DPP4: variants seen among roughly 807,000 people sequenced by gnomAD.
DPP4 encodes ADCP-2.
A neutral mutation model predicts 122.4 loss-of-function variants in DPP4; 93 were observed. That is an observed-to-expected ratio of 0.76 (90% CI 0.64 to 0.90). The LOEUF is 0.90. DPP4 is among the 40% of genes least tolerant of loss of function. The pLI is 0.00. For synonymous variants in DPP4, 321 were observed against 302.9 expected, an observed-to-expected ratio of 1.06 and a Z score of -0.62; for missense variants, 914 against 907.3, an observed-to-expected ratio of 1.01 and a Z score of -0.09.
At chr2:161,993,423 A>G in intron 25 of DPP4, 39 bp from the exon 26 acceptor site, 1 of 1,412,242 alleles carries the variant, frequency 7.1e-7, no homozygotes, top group Non-Finnish European at 9.9e-7. Flanking sequence ...TTAGGAAGTC[A>G]GTACTCTTCT....
chr2:162,073,989 G>A lies in DPP4; in HGVS notation c.-8C>T. ...CGCGGCACTCACCTTCATCGTCGGCGTCTCCTCGGAAGTGAGCGTTCAGAG... is the reference window on the plus strand; with the variant it reads ...CGCGGCACTCACCTTCATCGTCGGCATCTCCTCGGAAGTGAGCGTTCAGAG... On this transcript the variant is annotated 5_prime_UTR_variant, in exon 1 of 26. It adds an upstream start codon to the 5' untranslated region. Transcript: ENST00000360534. 6.2e-7 allele frequency: 1 copy of A among 1,611,860 alleles called. No homozygotes were observed. Among genetic ancestry groups the A allele is most frequent in the Non-Finnish European group, 8.5e-7 (1 of 1,179,058 alleles).
intron 2 of DPP4, among the ~76,000 whole-genome samples, chr2:162,055,161 T>C (rs1291000698): frequency 6.6e-6 from 1 of 152,212 alleles, no homozygotes; most frequent in Non-Finnish European, 1.5e-5. Flanking sequence ...GAAAAATATT[T>C]AGGATAAGTG....
intron 20 of DPP4, among the ~76,000 whole-genome samples, chr2:162,010,388 C>A (rs1682647780): frequency 1.3e-5 from 2 of 152,148 alleles, no homozygotes; most frequent in Non-Finnish European, 1.5e-5. Flanking sequence ...TTGTTTTTAT[C>A]TTTACATAAA....
intron 10 of DPP4, among the ~76,000 whole-genome samples, chr2:162,033,097 C>G (rs1279268145): frequency 6.6e-6 from 1 of 152,168 alleles, no homozygotes; most frequent in African/African-American, 2.4e-5. Flanking sequence ...CTTCCTCTGC[C>G]CCCTGCTATT....
chr2:162,019,123 A>G, intron 15 of DPP4, 100 bp downstream of exon 15: 1 of 1,070,362 alleles, frequency 9.3e-7, no homozygotes, highest in Admixed American at 2.1e-5. Context: ...TAGCAATACC[A>G]GTTTAATATT....
At chr2:162,019,610 C>T (rs1475381121) in intron 14 of DPP4, among the ~76,000 whole-genome samples, 1 of 151,878 alleles carries the variant, frequency 6.6e-6, no homozygotes. Context: ...ACTCATTGAT[C>T]CCGATCGTTG....
At chr2:162,012,116 G>A in intron 19 of DPP4, 129 bp from the exon 20 acceptor site, 1 of 816,890 alleles carries the variant, frequency 1.2e-6, no homozygotes, top group Non-Finnish European at 1.9e-6. Context: ...GCCAGCCTAT[G>A]GGGTGTCCAG....
chr2:162,016,858 C>T lies in DPP4; in HGVS notation c.1477G>A (p.Val493Ile), dbSNP rs1682944562. ...HSSVNDKGLR[V>I]LEDNSALDKM... ...TCCAAAGCTGAATTGTCTTCCAGGA[C>T]TCTCAGCCCTAAAGAAATACAGGAG... is the stretch of plus-strand genomic sequence containing the variant. Residue 493 changes from valine (V) to isoleucine (I), a missense_variant, in exon 18 of 26, where the codon GTC becomes ATC. Physicochemically the swap from Val to Ile is conservative, Grantham distance 29 (BLOSUM62 3). Transcript: ENST00000360534. 15 of 1,610,024 alleles carry T rather than the reference C, an allele frequency of 9.3e-6. No homozygotes were observed. Among genetic ancestry groups the T allele is most frequent in the Non-Finnish European group, 1.3e-5 (15 of 1,178,972 alleles).
At chr2:162,005,946 A>G in intron 22 of DPP4, 137 bp from the exon 23 acceptor site, 1 of 739,826 alleles carries the variant, frequency 1.4e-6, no homozygotes, top group Non-Finnish European at 2.2e-6. Context: ...AAGTATCTCT[A>G]TGTGGTTATG....
chr2:162,024,761 T>C (rs201385461), intron 11 of DPP4, 43 bp downstream of exon 11: 8 of 1,602,454 alleles, frequency 5.0e-6, no homozygotes, highest in Non-Finnish European at 6.8e-6. Flanking sequence ...GACCCTCTGA[T>C]CACATGTTGC....
intron 10 of DPP4, among the ~76,000 whole-genome samples, chr2:162,029,325 G>A (rs149487274): frequency 6.6e-6 from 1 of 152,294 alleles, no homozygotes; most frequent in Non-Finnish European, 1.5e-5. Context: ...ATGCTACAAA[G>A]AGCAACTGCA....
intron 25 of DPP4, among the ~76,000 whole-genome samples, chr2:161,994,385 G>A (rs918236113): frequency 3.3e-5 from 5 of 152,164 alleles, no homozygotes; most frequent in African/African-American, 1.2e-4. Context: ...TGCAGAAAAT[G>A]AATTTGACAT....
At chr2:162,008,714 G>T in intron 21 of DPP4, 53 bp from the exon 22 acceptor site, 2 of 1,490,406 alleles carry the variant, frequency 1.3e-6, no homozygotes, top group Non-Finnish European at 1.9e-6. Flanking sequence ...AGGACATATG[G>T]TAAGCGAGTC....
chr2:162,038,741 T>C (rs1380092909), intron 7 of DPP4, among the ~76,000 whole-genome samples: 1 of 152,092 alleles, frequency 6.6e-6, no homozygotes, highest in Non-Finnish European at 1.5e-5. Flanking sequence ...GTATATTTCT[T>C]TATTGGGAGA....
In DPP4 at chr2:162,046,943, C is replaced by T; in HGVS notation, c.257G>A (p.Ser86Asn). Residue 86 changes from serine (S) to asparagine (N), a missense_variant, in exon 4 of 26, where the codon AGC (serine) becomes AAC (asparagine). By Grantham distance (46) the Ser-to-Asn change is conservative. Coordinates refer to ENST00000360534, the MANE Select transcript of DPP4 (RefSeq NM_001935.4). ...ILVFNAEYGN[S>N]SVFLENSTFD... Reference sequence around the variant, plus strand: ...TGTACTGTTCTCCAAGAAAACTGAGCTGTTTCCATATTCAGCATTGAATAC... The same window carrying T: ...TGTACTGTTCTCCAAGAAAACTGAGTTGTTTCCATATTCAGCATTGAATAC... 1 of 1,593,072 alleles carries T rather than the reference C, an allele frequency of 6.3e-7. No individual in the cohort carries two copies. The highest frequency in any genetic ancestry group is 8.6e-7 in the Non-Finnish European group (1 of 1,161,180).
chr2:162,059,577 T>C (rs1361088755), intron 2 of DPP4, among the ~76,000 whole-genome samples: 1 of 152,208 alleles, frequency 6.6e-6, no homozygotes, highest in Non-Finnish European at 1.5e-5. Context: ...TCAGCTCATG[T>C]TTAAAAGAAA....
chr2:162,005,722 A>G (rs781396264), intron 23 of DPP4, 23 bp downstream of exon 23: 7 of 1,593,452 alleles, frequency 4.4e-6, no homozygotes, highest in Non-Finnish European at 6.0e-6. Flanking sequence ...GTTATAAAAT[A>G]GGTATAGGTC....
chr2:162,068,402 C>T (rs905119746), intron 2 of DPP4, among the ~76,000 whole-genome samples: 2 of 152,138 alleles, frequency 1.3e-5, no homozygotes, highest in African/African-American at 4.8e-5. Flanking sequence ...GAGTATGAAT[C>T]CCAACTTTGT....
intron 11 of DPP4, among the ~76,000 whole-genome samples, chr2:162,023,349 C>G (rs1683206772): frequency 6.6e-6 from 1 of 152,168 alleles, no homozygotes. Flanking sequence ...ATAGGCCTGT[C>G]CCATTGTGAT....
Sources: gnomAD v4.1 joint callset for allele counts (sites outside exome capture counted in the v4.1 genomes callset) on GRCh38, gnomAD v4.1.1 for gene constraint, MANE v1.5 for transcripts, NCBI Gene and HGNC (gene_info 2026-07-23, HGNC 2026-07-21) for gene names.